DLG2: variants seen among roughly 807,000 people sequenced by gnomAD.
DLG2 encodes the protein disks large homolog 2.
DLG2 carries 45 observed loss-of-function variants against 132.5 expected under a neutral mutation model. The ratio of observed to expected loss-of-function variants is 0.34; its 90% CI spans 0.27 to 0.44. The LOEUF is 0.44. DLG2 is among the 20% of genes least tolerant of loss of function. The pLI, the probability that DLG2 is intolerant of heterozygous loss-of-function variation, is 1.00. For missense variants in DLG2, 1,045 were observed against 1,196.9 expected, an observed-to-expected ratio of 0.87 and a Z score of 1.87; for synonymous variants, 424 against 419.6, an observed-to-expected ratio of 1.01 and a Z score of -0.13.
At chr11:84,348,088 T>C (rs2098546798) in intron 7 of DLG2, among the ~76,000 whole-genome samples, 1 of 152,194 alleles carries the variant, frequency 6.6e-6, no homozygotes, top group Non-Finnish European at 1.5e-5. Context: ...TGACACATAG[T>C]AAATGCTCAA....
chr11:83,557,185 C>T (rs981485149), intron 19 of DLG2, among the ~76,000 whole-genome samples: 1 of 152,214 alleles, frequency 6.6e-6, no homozygotes, highest in African/African-American at 2.4e-5. Flanking sequence ...TCTCTGCCTT[C>T]ACACAATTTA....
At chr11:84,316,894 C>T (rs777211142) in intron 7 of DLG2, 19 of 1,612,734 alleles carry the variant, frequency 1.2e-5, no homozygotes, top group Middle Eastern at 1.6e-4. Context: ...CCTTGGTGCT[C>T]GTCTTGTGGG....
chr11:84,606,924 T>G (rs2099586805), intron 6 of DLG2, among the ~76,000 whole-genome samples: 1 of 152,146 alleles, frequency 6.6e-6, no homozygotes, highest in Admixed American at 6.6e-5. Context: ...GTCTCTACTT[T>G]CTCTGAATTG....
chr11:85,471,728 T>G (rs1242134548), intron 3 of DLG2, among the ~76,000 whole-genome samples: 2 of 152,052 alleles, frequency 1.3e-5, no homozygotes, highest in East Asian at 3.9e-4. Flanking sequence ...ACAACATACT[T>G]GTAAGAGCAG....
intron 6 of DLG2, among the ~76,000 whole-genome samples, chr11:84,945,471 C>T (rs1041710713): frequency 2.2e-4 from 33 of 152,160 alleles, no homozygotes; most frequent in Admixed American, 9.8e-4. Flanking sequence ...CAAAAACAAC[C>T]CTCTGGCTAC....
intron 6 of DLG2, among the ~76,000 whole-genome samples, chr11:84,965,703 G>T (rs2053221624): frequency 6.6e-6 from 1 of 152,044 alleles, no homozygotes; most frequent in Non-Finnish European, 1.5e-5. Context: ...GTGAGGAGAT[G>T]CATTTCAATT....
At chr11:84,708,809 A>G (rs1032540174) in intron 6 of DLG2, among the ~76,000 whole-genome samples, 8 of 151,890 alleles carry the variant, frequency 5.3e-5, no homozygotes, top group Non-Finnish European at 1.5e-5. Context: ...AAAATGTCTC[A>G]TTTTACAAAA....
chr11:85,130,725 A>T (rs543923189), intron 5 of DLG2, among the ~76,000 whole-genome samples: 2 of 152,168 alleles, frequency 1.3e-5, no homozygotes, highest in Non-Finnish European at 2.9e-5. Context: ...TAAAATTTCC[A>T]AATTGTGGGC....
chr11:84,435,634 T>C (rs893012898), intron 7 of DLG2, among the ~76,000 whole-genome samples: 2 of 152,182 alleles, frequency 1.3e-5, no homozygotes, highest in Admixed American at 6.5e-5. Context: ...ATTAAATAAT[T>C]TGAACCCTTA....
chr11:85,494,932 T>C (rs919847327), intron 3 of DLG2, among the ~76,000 whole-genome samples: 2 of 151,858 alleles, frequency 1.3e-5, no homozygotes, highest in African/African-American at 4.8e-5. Context: ...AAATGAGACA[T>C]TTATCCCATT....
intron 6 of DLG2, among the ~76,000 whole-genome samples, chr11:84,711,045 G>A (rs946304546): frequency 5.6e-5 from 8 of 141,644 alleles, no homozygotes; most frequent in Non-Finnish European, 9.1e-5. Flanking sequence ...GCTGAAAAAA[G>A]CATTAAAGTA....
At chr11:85,034,486 T>G (rs1363723218) in intron 6 of DLG2, among the ~76,000 whole-genome samples, 1 of 151,950 alleles carries the variant, frequency 6.6e-6, no homozygotes, top group Non-Finnish European at 1.5e-5. Flanking sequence ...AAAAATAGAG[T>G]CAATGAGAAT....
At chr11:84,471,275 C>A (rs2099107681) in intron 7 of DLG2, among the ~76,000 whole-genome samples, 1 of 151,636 alleles carries the variant, frequency 6.6e-6, no homozygotes, top group Non-Finnish European at 1.5e-5. Context: ...ACAAGGGCAC[C>A]CCTTGAGCAA....
At chr11:84,913,185 T>TG (rs1192126610) in intron 6 of DLG2, among the ~76,000 whole-genome samples, 2 of 152,224 alleles carry the variant, frequency 1.3e-5, no homozygotes, top group Non-Finnish European at 2.9e-5. Flanking sequence ...GAAAATTGTC[T>TG]GGTTGGCTTC....
chr11:84,301,903 G>C (rs2154382149), intron 7 of DLG2, among the ~76,000 whole-genome samples: 1 of 152,248 alleles, frequency 6.6e-6, no homozygotes, highest in East Asian at 1.9e-4. Flanking sequence ...GTACACATAT[G>C]TTTATTGCAA....
chr11:83,667,110 A>T (rs939014284), intron 18 of DLG2, among the ~76,000 whole-genome samples: 1 of 152,226 alleles, frequency 6.6e-6, no homozygotes, highest in African/African-American at 2.4e-5. Flanking sequence ...AGACAATGAA[A>T]TATATAAAAA....
intron 8 of DLG2, among the ~76,000 whole-genome samples, chr11:84,200,377 C>A (rs2096576352): frequency 6.6e-6 from 1 of 151,900 alleles, no homozygotes; most frequent in Non-Finnish European, 1.5e-5. Context: ...AAATTAGTCA[C>A]CCGACTAATT....
At chr11:83,793,088 C>G (rs1297246080) in intron 17 of DLG2, among the ~76,000 whole-genome samples, 2 of 151,840 alleles carry the variant, frequency 1.3e-5, no homozygotes, top group Non-Finnish European at 2.9e-5. Context: ...CATAAAATCC[C>G]TTTTTATTTA....
intron 8 of DLG2, among the ~76,000 whole-genome samples, chr11:84,175,508 T>A (rs1170754478): frequency 6.6e-6 from 1 of 152,140 alleles, no homozygotes; most frequent in East Asian, 1.9e-4. Flanking sequence ...CTGCCTTAAT[T>A]TCTCTCTAAT....
Sources: gnomAD v4.1 joint callset for allele counts (sites outside exome capture counted in the v4.1 genomes callset) on GRCh38, gnomAD v4.1.1 for gene constraint, MANE v1.5 for transcripts, NCBI Gene and HGNC (gene_info 2026-07-23, HGNC 2026-07-21) for gene names.